Variants in BNC2 observed in about 807,000 individuals in gnomAD.
BNC2 encodes basonuclin zinc finger protein 2, also known as zinc finger protein basonuclin-2.
In BNC2, 20 loss-of-function variants were observed where a neutral mutation model predicts 76.3. The ratio of observed to expected loss-of-function variants is 0.26; its 90% CI spans 0.18 to 0.38. The LOEUF (loss-of-function observed/expected upper bound fraction) is 0.38. Among genes scored for constraint, BNC2 ranks in the 10% least tolerant of loss-of-function variants. BNC2 has a pLI of 1.00. For missense variants in BNC2, 1,382 were observed against 1,399.8 expected, an observed-to-expected ratio of 0.99 and a Z score of 0.20; for synonymous variants, 582 against 514.8, an observed-to-expected ratio of 1.13 and a Z score of -1.77.
At chr9:16,665,400 GAGAA>G (rs1336495267) in intron 3 of BNC2, among the ~76,000 whole-genome samples, 1 of 133,860 alleles carries the variant, frequency 7.5e-6, no homozygotes, top group South Asian at 2.4e-4. Context: ...GAGAGAGAGA[GAGAA>G]AGAGAGAAAA....
Position 16,411,124 on chromosome 9 carries a change from C to T in BNC2, c.*7865G>A. ...CTCTTTTGAAAAACATATCCAGGGCCAGATGAATGGAGCTCTCTCACACAC... is the reference window on the plus strand; with the variant it reads ...CTCTTTTGAAAAACATATCCAGGGCTAGATGAATGGAGCTCTCTCACACAC... On this transcript the variant is annotated 3_prime_UTR_variant, in exon 7 of 7. Coordinates refer to ENST00000380672, the MANE Select transcript of BNC2 (RefSeq NM_017637.6). 1 of 152,576 alleles carries T rather than the reference C, an allele frequency of 6.6e-6. No individual in the cohort carries two copies. The allele number at this position is 152,576 out of a possible 1,614,324, so 9.5% of individuals were successfully genotyped here.
chr9:16,476,891 C>A (rs1163967662), intron 5 of BNC2, among the ~76,000 whole-genome samples: 3 of 151,968 alleles, frequency 2.0e-5, no homozygotes. Flanking sequence ...CAAAAATTGT[C>A]CAATTTGTGG....
intron 1 of BNC2, among the ~76,000 whole-genome samples, chr9:16,775,410 A>AC (rs397769324): frequency 6.7e-6 from 1 of 149,114 alleles, no homozygotes; most frequent in Non-Finnish European, 1.5e-5. Flanking sequence ...AAAAAAAAAA[A>AC]CTCCCATGAT....
chr9:16,744,419 G>C (rs1159535867), intron 1 of BNC2, among the ~76,000 whole-genome samples: 1 of 152,178 alleles, frequency 6.6e-6, no homozygotes, highest in East Asian at 1.9e-4. Context: ...TAAAAATATA[G>C]GAGAAGACTG....
chr9:16,842,627 A>T (rs1818861540), intron 1 of BNC2, among the ~76,000 whole-genome samples: 2 of 152,226 alleles, frequency 1.3e-5, no homozygotes, highest in African/African-American at 2.4e-5. Context: ...GGTGAATTTT[A>T]TCTCCATTTT....
At position 16,540,948 on chromosome 9, in the gene BNC2, C is replaced by T. The variant is rs115178330; in HGVS notation, c.669+11582G>A. On this transcript the variant is annotated intron_variant, in intron 5 of 6. Coordinates refer to ENST00000380672, the MANE Select transcript of BNC2 (RefSeq NM_017637.6). ...TGTTTGATTCTCCAGGGTTCTTACT[C>T]GCCCTATGGCCATGGATTTGAGGCA... is the stretch of plus-strand genomic sequence containing the variant. 7.1e-3 allele frequency among the ~76,000 whole-genome samples: 1,077 copies of T among 152,294 alleles called. 14 individuals are homozygous for T. Among genetic ancestry groups the T allele is most frequent in the African/African-American group, 0.025 (1,043 of 41,560 alleles).
intron 5 of BNC2, among the ~76,000 whole-genome samples, chr9:16,474,910 G>T (rs1821898025): frequency 6.6e-6 from 1 of 151,908 alleles, no homozygotes; most frequent in Non-Finnish European, 1.5e-5. Context: ...ACTGAAAATG[G>T]CATTAAAGCA....
At chr9:16,559,985 C>T (rs1052999086) in intron 4 of BNC2, among the ~76,000 whole-genome samples, 1 of 152,206 alleles carries the variant, frequency 6.6e-6, no homozygotes, top group Admixed American at 6.5e-5. Flanking sequence ...AATGCAGTCT[C>T]CTAACTCGGA....
chr9:16,649,644 T>C (rs1029426861), intron 3 of BNC2, among the ~76,000 whole-genome samples: 4 of 152,202 alleles, frequency 2.6e-5, no homozygotes, highest in Non-Finnish European at 4.4e-5. Context: ...CTGTTTCTTT[T>C]AATCTTAAAA....
chr9:16,761,824 A>ATGT (rs1370009205), intron 1 of BNC2, among the ~76,000 whole-genome samples: 2 of 152,324 alleles, frequency 1.3e-5, no homozygotes, highest in Non-Finnish European at 2.9e-5. Flanking sequence ...ACCTAACTAC[A>ATGT]AAGGCCCATG....
chr9:16,483,693 A>G (rs985006632), intron 5 of BNC2, among the ~76,000 whole-genome samples: 2 of 152,202 alleles, frequency 1.3e-5, no homozygotes, highest in African/African-American at 4.8e-5. Flanking sequence ...ATTCACACGC[A>G]TATGTGGAGA....
chr9:16,683,426 G>T (rs1254819026), intron 3 of BNC2, among the ~76,000 whole-genome samples: 1 of 152,156 alleles, frequency 6.6e-6, no homozygotes, highest in Non-Finnish European at 1.5e-5. Flanking sequence ...TGTACGGAAG[G>T]TTATTCTCAG....
chr9:16,469,825 G>C (rs1821782441), intron 5 of BNC2, among the ~76,000 whole-genome samples: 1 of 152,108 alleles, frequency 6.6e-6, no homozygotes, highest in Admixed American at 6.5e-5. Context: ...AAGGGAACTG[G>C]AGCAAAGGTG....
At chr9:16,424,551 A>G (rs2891009) in intron 6 of BNC2, among the ~76,000 whole-genome samples, 4 of 152,210 alleles carry the variant, frequency 2.6e-5, no homozygotes, top group Admixed American at 6.5e-5. Flanking sequence ...GATATTGTAC[A>G]GAATGATCAT....
rs1446432587 is a variant in BNC2, at chr9:16,414,283, A to G, written c.*4706T>C. 3.9e-5 allele frequency: 6 copies of G among 152,376 alleles called. No individual in the cohort carries two copies. Among genetic ancestry groups the G allele is most frequent in the South Asian group, 4.1e-4 (2 of 4,822 alleles). 9.4% of individuals were successfully genotyped at this position (152,376 alleles called of 1,614,324 possible). On this transcript the variant is annotated 3_prime_UTR_variant, in exon 7 of 7. Transcript: ENST00000380672. ...TCGAGCCAACATTTCCAGTGCATTC[A>G]TGATTTCCTTTTCTAGCTACCCCAA...
chr9:16,519,063 G>A (rs1161964159), intron 5 of BNC2, among the ~76,000 whole-genome samples: 1 of 152,230 alleles, frequency 6.6e-6, no homozygotes, highest in Non-Finnish European at 1.5e-5. Flanking sequence ...GAAAGAGACA[G>A]AGGTAAGCAC....
rs554343333 is a variant in BNC2, at chr9:16,813,419, C to T, written c.3+57227G>A. On this transcript the variant is annotated intron_variant, in intron 1 of 6. Transcript: ENST00000380672. Reference sequence around the variant, plus strand: ...TAGCTGGGACTACAGGCGCCCGCCACTACGCCCGGCTAATTTTTTGTATTT... The same window carrying T: ...TAGCTGGGACTACAGGCGCCCGCCATTACGCCCGGCTAATTTTTTGTATTT... Among the ~76,000 whole-genome samples, 266 of 151,998 alleles carry T rather than the reference C, an allele frequency of 1.8e-3. 1 individual carries two copies. Among genetic ancestry groups the T allele is most frequent in the African/African-American group, 5.6e-3 (234 of 41,514 alleles).
chr9:16,706,796 G>T (rs1481802577), intron 3 of BNC2, among the ~76,000 whole-genome samples: 1 of 152,172 alleles, frequency 6.6e-6, no homozygotes, highest in Non-Finnish European at 1.5e-5. Flanking sequence ...ACTTGACTGG[G>T]GGGAGGGGAG....
intron 3 of BNC2, among the ~76,000 whole-genome samples, chr9:16,668,997 A>T (rs777983478): frequency 1.2e-4 from 18 of 151,518 alleles, no homozygotes; most frequent in Middle Eastern, 3.4e-3. Flanking sequence ...TACAGACCCC[A>T]CCCCCCTCAA....
Sources: allele counts gnomAD v4.1 joint callset (sites outside exome capture counted in the v4.1 genomes callset), GRCh38; gene constraint gnomAD v4.1.1; transcripts MANE v1.5; gene names NCBI Gene and HGNC (gene_info 2026-07-23, HGNC 2026-07-21).